CFAP299: variants seen among roughly 807,000 people sequenced by gnomAD.
CFAP299 encodes the protein cilia- and flagella-associated protein 299.
In CFAP299, 21 loss-of-function variants were observed where a neutral mutation model predicts 27.0. That is an observed-to-expected ratio of 0.78 (90% CI 0.55 to 1.12). The LOEUF (loss-of-function observed/expected upper bound fraction) is 1.12. Among genes scored for constraint, CFAP299 ranks in the 50% most tolerant of loss-of-function variants. CFAP299 has a pLI of 0.00. For synonymous variants in CFAP299, 104 were observed against 98.1 expected, an observed-to-expected ratio of 1.06 and a Z score of -0.36; for missense variants, 310 against 276.6, an observed-to-expected ratio of 1.12 and a Z score of -0.86.
intron 3 of CFAP299, among the ~76,000 whole-genome samples, chr4:80,668,537 G>C (rs1741259495): frequency 6.6e-6 from 1 of 152,076 alleles, no homozygotes; most frequent in Non-Finnish European, 1.5e-5. Flanking sequence ...AGTTTCTCCA[G>C]CTCCATTTAT....
chr4:80,522,977 T>C (rs1314238819), intron 2 of CFAP299, among the ~76,000 whole-genome samples: 1 of 152,108 alleles, frequency 6.6e-6, no homozygotes, highest in African/African-American at 2.4e-5. Context: ...TTGAACTATT[T>C]GGGGTTCTTT....
chr4:80,477,902 G>C (rs1730360002), intron 2 of CFAP299, among the ~76,000 whole-genome samples: 1 of 152,160 alleles, frequency 6.6e-6, no homozygotes, highest in Non-Finnish European at 1.5e-5. Flanking sequence ...TGCTTACAGA[G>C]CTGCAAATGG....
chr4:80,911,490 A>G lies in CFAP299; in HGVS notation c.477-33320A>G, dbSNP rs1578232578. Among the ~76,000 whole-genome samples the G allele has an allele frequency of 2.0e-5, 3 of 152,262 alleles. No homozygotes were observed. In the South Asian group the frequency reaches 6.2e-4, roughly 32 times the overall value. On this transcript the variant is annotated intron_variant, in intron 4 of 5. Coordinates refer to ENST00000358105, the MANE Select transcript of CFAP299 (RefSeq NM_152770.3). ...AACATAGAATTTTGATAGACTTGGA[A>G]CCAGGTATCCACTCCAAATGAGATA...
chr4:80,868,656 T>C (rs1209437378), intron 3 of CFAP299, among the ~76,000 whole-genome samples: 2 of 152,156 alleles, frequency 1.3e-5, no homozygotes, highest in African/African-American at 4.8e-5. Context: ...GGTTCCTGCT[T>C]TCACTTAGTT....
the CFAP299 span, among the ~76,000 whole-genome samples, chr4:80,324,429 A>G: frequency 0.01 from 1,551 of 152,368 alleles, 25 homozygotes; most frequent in African/African-American, 0.035. Flanking sequence ...GTAAAACTAC[A>G]TAGTAAAAGA....
intron 2 of CFAP299, among the ~76,000 whole-genome samples, chr4:80,478,929 G>A (rs1301802153): frequency 1.3e-5 from 2 of 151,904 alleles, no homozygotes; most frequent in African/African-American, 4.8e-5. Context: ...AGGAACTCCT[G>A]ACACATGGGG....
chr4:80,612,007 G>A (rs759347336), intron 3 of CFAP299, among the ~76,000 whole-genome samples: 9 of 152,072 alleles, frequency 5.9e-5, no homozygotes, highest in Non-Finnish European at 1.0e-4. Flanking sequence ...TTCACAAATC[G>A]TCGATGATGG....
intron 2 of CFAP299, chr4:80,386,972 C>A: frequency 1.0e-6 from 1 of 973,836 alleles, no homozygotes; most frequent in Admixed American, 1.7e-5. Flanking sequence ...TCTTGCACAC[C>A]TGGCCCTTGA....
chr4:80,426,328 G>A (rs1192245925), intron 2 of CFAP299, among the ~76,000 whole-genome samples: 1 of 151,830 alleles, frequency 6.6e-6, no homozygotes, highest in Non-Finnish European at 1.5e-5. Context: ...ATTACATTAT[G>A]TTTTGCTATG....
intron 3 of CFAP299, among the ~76,000 whole-genome samples, chr4:80,681,960 A>G (rs750645014): frequency 1.3e-5 from 2 of 152,200 alleles, no homozygotes; most frequent in Non-Finnish European, 2.9e-5. Flanking sequence ...TTGGAAATTT[A>G]CCACCTCAGG....
At chr4:80,958,685 C>T (rs1738185729) in intron 5 of CFAP299, among the ~76,000 whole-genome samples, 2 of 152,186 alleles carry the variant, frequency 1.3e-5, no homozygotes, top group African/African-American at 2.4e-5. Context: ...AGTCTTATTA[C>T]AATTTTAATT....
At chr4:80,394,788 C>A (rs1725688045) in intron 2 of CFAP299, among the ~76,000 whole-genome samples, 1 of 151,924 alleles carries the variant, frequency 6.6e-6, no homozygotes, top group African/African-American at 2.4e-5. Context: ...GCTTGTATGT[C>A]TGTTTTTATG....
intron 4 of CFAP299, among the ~76,000 whole-genome samples, chr4:80,877,929 T>G (rs1455052286): frequency 6.6e-6 from 1 of 152,158 alleles, no homozygotes; most frequent in Non-Finnish European, 1.5e-5. Flanking sequence ...ATGTTTGTAC[T>G]ATTTGAAAGT....
intron 3 of CFAP299, among the ~76,000 whole-genome samples, chr4:80,806,536 A>T (rs1375003942): frequency 2.6e-5 from 4 of 152,224 alleles, no homozygotes; most frequent in Non-Finnish European, 5.9e-5. Flanking sequence ...ATAAATCACT[A>T]GAGGTACATT....
chr4:80,926,865 A>C (rs886818238), intron 4 of CFAP299, among the ~76,000 whole-genome samples: 14 of 152,100 alleles, frequency 9.2e-5, no homozygotes, highest in Non-Finnish European at 1.6e-4. Flanking sequence ...ATTTGAATTA[A>C]GAAGACCTTC....
At chr4:80,917,756 TA>T (rs1366696146) in intron 4 of CFAP299, among the ~76,000 whole-genome samples, 1 of 152,190 alleles carries the variant, frequency 6.6e-6, no homozygotes, top group Admixed American at 6.6e-5. Flanking sequence ...CACAACAAAT[TA>T]TTTTTTTGTT....
At chr4:80,873,660 A>G (rs1300536896) in intron 4 of CFAP299, among the ~76,000 whole-genome samples, 4 of 152,178 alleles carry the variant, frequency 2.6e-5, no homozygotes, top group Non-Finnish European at 5.9e-5. Flanking sequence ...TCAGCATTCT[A>G]ATTCACTGTT....
chr4:80,807,673 G>A lies in CFAP299; in HGVS notation c.334-62320G>A, dbSNP rs780484522. 1.1e-4 allele frequency among the ~76,000 whole-genome samples: 16 copies of A among 151,924 alleles called. 1 individual carries two copies. In the South Asian group the frequency reaches 2.5e-3, roughly 24 times the overall value. On this transcript the variant is annotated intron_variant, in intron 3 of 5. Coordinates refer to ENST00000358105, the MANE Select transcript of CFAP299 (RefSeq NM_152770.3). ...AAGATGCTGTTGTTTTGCTCTAACT[G>A]GTTTAAAAAGTGCTTTCACATTGAA...
rs146521714 is a variant in CFAP299, at chr4:80,903,295, A to G, written c.476+33160A>G. Reference sequence around the variant, plus strand: ...AGAGATTTTTCCTGTTGGCTCAAAAAGAGCCTAAAATTCCAGATAAATTGG... The same window carrying G: ...AGAGATTTTTCCTGTTGGCTCAAAAGGAGCCTAAAATTCCAGATAAATTGG... On this transcript the variant is annotated intron_variant, in intron 4 of 5. Coordinates refer to ENST00000358105, the MANE Select transcript of CFAP299 (RefSeq NM_152770.3). 3.1e-3 allele frequency among the ~76,000 whole-genome samples: 469 copies of G among 152,246 alleles called. 2 individuals are homozygous for G. Among genetic ancestry groups the G allele is most frequent in the African/African-American group, 0.011 (450 of 41,566 alleles).
Sources: allele counts gnomAD v4.1 joint callset (sites outside exome capture counted in the v4.1 genomes callset), GRCh38; gene constraint gnomAD v4.1.1; transcripts MANE v1.5; gene names NCBI Gene and HGNC (gene_info 2026-07-23, HGNC 2026-07-21).